The following VTI1A variants were observed in gnomAD, a reference collection of about 807,000 sequenced individuals.
VTI1A encodes vesicle transport through interaction with t-SNAREs 1A.
VTI1A carries 22 observed loss-of-function variants against 34.9 expected under a neutral mutation model. The observed-to-expected ratio is 0.63, with a 90% CI of 0.45 to 0.90. The LOEUF (loss-of-function observed/expected upper bound fraction) is 0.90, where lower values mean the gene tolerates loss of function less well. Among genes scored for constraint, VTI1A ranks in the 40% least tolerant of loss-of-function variants. The probability of loss-of-function intolerance (pLI) is 0.00; values close to 1 mark genes in which losing one functional copy is unlikely to be tolerated. For synonymous variants in VTI1A, 87 were observed against 97.3 expected, an observed-to-expected ratio of 0.89 and a Z score of 0.62; for missense variants, 268 against 275.6, an observed-to-expected ratio of 0.97 and a Z score of 0.20.
chr10:112,643,715 A>G (rs1564863009), intron 5 of VTI1A, among the ~76,000 whole-genome samples: 1 of 152,246 alleles, frequency 6.6e-6, no homozygotes, highest in Non-Finnish European at 1.5e-5. Flanking sequence ...TTCCAGAGGA[A>G]AACAGACAAA....
chr10:112,668,418 G>A, intron 6 of VTI1A, 130 bp downstream of exon 6: 1 of 967,940 alleles, frequency 1.0e-6, no homozygotes, highest in Non-Finnish European at 1.5e-6. Context: ...AAGGTCTGTG[G>A]AAAGGAAAAG....
At chr10:112,777,134 C>G (rs1179235531) in intron 7 of VTI1A, among the ~76,000 whole-genome samples, 1 of 152,136 alleles carries the variant, frequency 6.6e-6, no homozygotes, top group Non-Finnish European at 1.5e-5. Flanking sequence ...TTTTTAATTA[C>G]AGAAAGTAAA....
At chr10:112,490,450 A>T (rs1277695581) in intron 3 of VTI1A, among the ~76,000 whole-genome samples, 1 of 152,136 alleles carries the variant, frequency 6.6e-6, no homozygotes, top group Non-Finnish European at 1.5e-5. Flanking sequence ...GCCCTCATAA[A>T]TACTGTTTTA....
intron 7 of VTI1A, among the ~76,000 whole-genome samples, chr10:112,785,161 A>G (rs1852247168): frequency 6.6e-6 from 1 of 152,240 alleles, no homozygotes; most frequent in South Asian, 2.1e-4. Flanking sequence ...GTAGCTGAGC[A>G]GGACCCCAGA....
At chr10:112,582,555 T>A (rs1033681233) in intron 5 of VTI1A, among the ~76,000 whole-genome samples, 3 of 152,196 alleles carry the variant, frequency 2.0e-5, no homozygotes, top group South Asian at 4.1e-4. Flanking sequence ...TTTGAGGGCA[T>A]GGCTGTGCCT....
intron 7 of VTI1A, among the ~76,000 whole-genome samples, chr10:112,798,064 A>AGCACAGTG (rs1313420686): frequency 1.3e-5 from 2 of 151,016 alleles, no homozygotes; most frequent in Non-Finnish European, 3.0e-5. Context: ...CCAGGCTCCA[A>AGCACAGTG]AGCTTCCTTC....
At chr10:112,753,620 TAGC>T (rs1851180529) in intron 7 of VTI1A, among the ~76,000 whole-genome samples, 3 of 152,352 alleles carry the variant, frequency 2.0e-5, no homozygotes, top group South Asian at 4.1e-4. Context: ...TGATGAAAAT[TAGC>T]TATTTTCCCC....
chr10:112,498,454 C>T (rs569197223), intron 3 of VTI1A, among the ~76,000 whole-genome samples: 3 of 152,150 alleles, frequency 2.0e-5, no homozygotes, highest in Admixed American at 6.5e-5. Context: ...ATCTCCTCAT[C>T]GCCGCCACCA....
chr10:112,776,184 G>A (rs1048572139), intron 7 of VTI1A, among the ~76,000 whole-genome samples: 14 of 152,210 alleles, frequency 9.2e-5, no homozygotes, highest in Non-Finnish European at 2.1e-4. Flanking sequence ...TTGTTTTACA[G>A]CAGCCGAGGG....
chr10:112,602,185 C>A (rs1488444548), intron 5 of VTI1A, among the ~76,000 whole-genome samples: 1 of 152,180 alleles, frequency 6.6e-6, no homozygotes, highest in Non-Finnish European at 1.5e-5. Context: ...CTAACATATT[C>A]CTTTCCTAAT....
intron 5 of VTI1A, among the ~76,000 whole-genome samples, chr10:112,575,946 A>C (rs767644091): frequency 6.6e-6 from 1 of 150,560 alleles, no homozygotes; most frequent in Non-Finnish European, 1.5e-5. Context: ...CCTCTCGTGA[A>C]TTTTTCTTTG....
At chr10:112,700,232 A>T (rs2133898765) in intron 7 of VTI1A, among the ~76,000 whole-genome samples, 1 of 152,236 alleles carries the variant, frequency 6.6e-6, no homozygotes, top group East Asian at 1.9e-4. Flanking sequence ...TCTGCCAAAA[A>T]TTACATAGCT....
At chr10:112,783,201 A>C (rs532585430) in intron 7 of VTI1A, among the ~76,000 whole-genome samples, 17 of 152,242 alleles carry the variant, frequency 1.1e-4, no homozygotes, top group Admixed American at 1.3e-4. Context: ...CATTATGGCC[A>C]ATGTACAATG....
the VTI1A span, chr10:112,827,304 A>C: frequency 1.3e-5 from 2 of 151,430 alleles, no homozygotes; most frequent in African/African-American, 4.9e-5. Context: ...GTGCGATTAC[A>C]TTATGTGGAT....
intron 5 of VTI1A, among the ~76,000 whole-genome samples, chr10:112,644,338 C>T (rs180711270): frequency 3.1e-4 from 47 of 152,230 alleles, no homozygotes; most frequent in African/African-American, 1.1e-3. Context: ...GGTAATAATG[C>T]CTATGCCAGC....
chr10:112,852,121 A>G, the VTI1A span, among the ~76,000 whole-genome samples: 3 of 152,202 alleles, frequency 2.0e-5, no homozygotes, highest in South Asian at 4.1e-4. Context: ...ATCCCATTTT[A>G]TATTTCTTTA....
At chr10:112,749,572 G>A (rs933404930) in intron 7 of VTI1A, among the ~76,000 whole-genome samples, 3 of 152,176 alleles carry the variant, frequency 2.0e-5, no homozygotes, top group Non-Finnish European at 2.9e-5. Flanking sequence ...GCAGTCCTTC[G>A]TATTGCCTGT....
intron 7 of VTI1A, among the ~76,000 whole-genome samples, chr10:112,704,613 C>G (rs1316299734): frequency 4.6e-5 from 7 of 152,142 alleles, no homozygotes; most frequent in African/African-American, 1.7e-4. Flanking sequence ...TTGCTTTACC[C>G]AGATAAGTGA....
At chr10:112,530,673 A>G (rs1015036789) in intron 4 of VTI1A, among the ~76,000 whole-genome samples, 2 of 152,168 alleles carry the variant, frequency 1.3e-5, no homozygotes, top group African/African-American at 4.8e-5. Context: ...TTAGCAGATA[A>G]TGATTGCTTA....
Sources: gnomAD v4.1 joint callset for allele counts (sites outside exome capture counted in the v4.1 genomes callset) on GRCh38, gnomAD v4.1.1 for gene constraint, MANE v1.5 for transcripts, NCBI Gene and HGNC (gene_info 2026-07-23, HGNC 2026-07-21) for gene names.